ZNF835: variants seen among roughly 807,000 people sequenced by gnomAD.
ZNF835 encodes zinc finger protein 835.
For missense variants in ZNF835, 783 were observed against 758.4 expected (o/e 1.03, Z -0.38); for synonymous variants, 323 against 324.7 (o/e 0.99, Z 0.06).
chr19:56,663,827 G>A lies in ZNF835; in HGVS notation c.1372C>T (p.Arg458Cys). 2 of 1,613,842 alleles carry A rather than the reference G, an allele frequency of 1.2e-6. No individual in the cohort carries two copies. Among genetic ancestry groups the A allele is most frequent in the Non-Finnish European group, 1.7e-6 (2 of 1,179,944 alleles). ...ATGTGGTGCTGGATCAGGTAGGAGC[G>A]GTTGCTGAAGGCCTTGCCGCACTCG... Reference protein sequence around the residue: ...CPECGKAFSNRSYLIQHHIVH... With the variant: ...CPECGKAFSNCSYLIQHHIVH... The change falls in exon 2 of 2, where the codon CGC becomes TGC. Residue 458 changes from arginine to cysteine, a missense_variant. Physicochemically the swap from Arg to Cys is radical, Grantham distance 180. Coordinates refer to ENST00000537055, the MANE Select transcript of ZNF835 (RefSeq NM_001005850.3).
Position 56,665,257 on chromosome 19 carries a change from AAGAT to A in ZNF835, c.-47-16_-47-13del, listed in dbSNP as rs774253092. ...TCTTTTCTCTGGGTCTGAAAAGAAA[AAGAT>A]AGAAAAAAAAATTAAATGTTGCCAC... On this transcript the variant is annotated splice_polypyrimidine_tract_variant and intron_variant, in intron 1 of 1. Transcript: ENST00000537055. The A allele has an allele frequency of 2.5e-6, 4 of 1,598,454 alleles. No individual in the cohort carries two copies. The highest frequency in any genetic ancestry group is 3.4e-6 in the Non-Finnish European group (4 of 1,174,686).
intron 1 of ZNF835, chr19:56,665,463 A>C: frequency 1.4e-6 from 1 of 707,912 alleles, no homozygotes; most frequent in Non-Finnish European, 2.6e-6. Context: ...TGCCAGGGAC[A>C]CTACCCCTCA....
rs1397090827 is a variant in ZNF835 at position 56,662,180 on chromosome 19, G to A, written c.*1405C>T. ...ATCAGAGACTTGAAAGCATGCCTGT[G>A]TGTCCACTCCCTCTCAGACTCCTGC... On this transcript the variant is annotated 3_prime_UTR_variant, in exon 2 of 2. Coordinates refer to ENST00000537055, the MANE Select transcript of ZNF835 (RefSeq NM_001005850.3). The A allele has an allele frequency of 1.3e-5, 2 of 152,202 alleles. No individual in the cohort carries two copies. The highest frequency in any genetic ancestry group is 2.9e-5 in the Non-Finnish European group (2 of 68,062). The allele number at this position is 152,202 out of a possible 1,614,324, so 9.4% of individuals were successfully genotyped here.
chr19:56,670,123 G>C (rs1471936299), intron 1 of ZNF835, among the ~76,000 whole-genome samples: 1 of 148,554 alleles, frequency 6.7e-6, no homozygotes, highest in Non-Finnish European at 1.5e-5. Flanking sequence ...TCCTCCATTA[G>C]CATAAATGTA....
chr19:56,671,237 G>C (rs10084156), intron 1 of ZNF835, among the ~76,000 whole-genome samples: 32,345 of 150,094 alleles, frequency 0.22, 4,097 homozygotes, highest in African/African-American at 0.38. Flanking sequence ...GAGTGAGCAG[G>C]TGCAGACGCT....
chr19:56,663,820 T>C lies in ZNF835; in HGVS notation c.1379A>G (p.Tyr460Cys). The change falls in exon 2 of 2, where the codon TAC becomes TGC. Residue 460 changes from tyrosine (Y) to cysteine (C), a missense_variant. By Grantham distance (194) the Tyr-to-Cys change is radical. Transcript: ENST00000537055. ...ECGKAFSNRS[Y>C]LIQHHIVHTG... ...GTGCACGATGTGGTGCTGGATCAGG[T>C]AGGAGCGGTTGCTGAAGGCCTTGCC... 1.2e-6 allele frequency: 2 copies of C among 1,613,796 alleles called. No individual in the cohort carries two copies. Among genetic ancestry groups the C allele is most frequent in the South Asian group, 1.1e-5 (1 of 91,068 alleles).
intron 1 of ZNF835, among the ~76,000 whole-genome samples, chr19:56,671,178 C>T (rs1026631462): frequency 6.9e-6 from 1 of 144,518 alleles, no homozygotes; most frequent in Non-Finnish European, 1.5e-5. Context: ...CTGTGACACT[C>T]AGGGACGGGC....
At position 56,664,526 on chromosome 19, in the gene ZNF835, C is replaced by T. The variant is rs376744438; in HGVS notation, c.673G>A (p.Ala225Thr). The change falls in exon 2 of 2, where the codon GCC (alanine) becomes ACC (threonine). Residue 225 changes from alanine to threonine, a missense_variant. Ala to Thr is a moderately conservative substitution (Grantham distance 58). Transcript: ENST00000537055. ...VHTGERPYAC[A>T]QCAKAFRNRS... ...TTGCGGAACGCCTTGGCGCACTGGGCGCACGCGTAGGGCCGCTCGCCCGTG... is the reference window on the plus strand; with the variant it reads ...TTGCGGAACGCCTTGGCGCACTGGGTGCACGCGTAGGGCCGCTCGCCCGTG... 20 of 1,576,084 alleles carry T rather than the reference C, an allele frequency of 1.3e-5. No individual in the cohort carries two copies. In the African/African-American group the frequency reaches 2.8e-4, roughly 22 times the overall value.
At position 56,664,593 on chromosome 19, in the gene ZNF835, G is replaced by A. The variant is rs550723035; in HGVS notation, c.606C>T (p.Ala202=). The change falls in exon 2 of 2, where the codon GCC becomes GCT. Residue 202 remains alanine, a synonymous_variant. Transcript: ENST00000537055. ...GGGTCAGGTGCGTGACGCGCGTGAA[G>A]GCCTTGCCGCAGTCGGCGCAGCGGT... ...KPHRCADCGK[A]FTRVTHLTQH... The A allele has an allele frequency of 1.8e-4, 291 of 1,605,574 alleles. 4 individuals carry two copies. In the South Asian group the frequency reaches 3.0e-3, roughly 17 times the overall value.
chr19:56,666,295 G>C (rs10424830), intron 1 of ZNF835, among the ~76,000 whole-genome samples: 8,279 of 152,134 alleles, frequency 0.054, 720 homozygotes, highest in African/African-American at 0.19. Context: ...TTAGTAGAGA[G>C]GGGGTTTCAC....
At chr19:56,669,301 GC>G (rs1342374643) in intron 1 of ZNF835, among the ~76,000 whole-genome samples, 1 of 151,982 alleles carries the variant, frequency 6.6e-6, no homozygotes, top group Non-Finnish European at 1.5e-5. Context: ...GTGCTCGACA[GC>G]CCCAGAGCTC....
At position 56,664,450 on chromosome 19, in the gene ZNF835, T is replaced by C. The variant is rs765318733; in HGVS notation, c.749A>G (p.Tyr250Cys). ...GGCCTTGGCGCACGCGGAGCACTCG[T>C]AGGGCTTCTCACCGGTGTGGATGCG... is the stretch of plus-strand genomic sequence containing the variant. ...HQRIHTGEKP[Y>C]ECSACAKAFR... is the part of the protein sequence containing the mutation. Residue 250 changes from tyrosine to cysteine, a missense_variant, in exon 2 of 2, where the codon TAC becomes TGC. Tyr to Cys is a radical substitution (Grantham distance 194). Transcript: ENST00000537055. The C allele has an allele frequency of 6.2e-7, 1 of 1,612,094 alleles. No individual in the cohort carries two copies. Among genetic ancestry groups the C allele is most frequent in the Non-Finnish European group, 8.5e-7 (1 of 1,179,144 alleles).
In ZNF835 at chr19:56,664,297, G is replaced by C. The variant is rs768008644; in HGVS notation, c.902C>G (p.Thr301Arg). 4 of 1,605,298 alleles carry C rather than the reference G, an allele frequency of 2.5e-6. No individual in the cohort carries two copies. In the South Asian group the frequency reaches 4.4e-5, roughly 18 times the overall value. The change falls in exon 2 of 2, where the codon ACG becomes AGG. Residue 301 changes from threonine (T) to arginine (R), a missense_variant. Transcript: ENST00000537055. Reference protein sequence around the residue: ...AHLTQHRRVHTGEKPYTCQDC... With the variant: ...AHLTQHRRVHRGEKPYTCQDC... ...CTGGCACGTGTAGGGCTTCTCGCCC[G>C]TGTGCACGCGCCGGTGCTGGGTCAG...
At position 56,665,392 on chromosome 19, in the gene ZNF835, G is replaced by T. The variant is rs1025224571; in HGVS notation, c.-47-147C>A. ...ATTTTGGGTCCAATAATTTGGTGTG[G>T]TGGGACCCATCCTGTGTGTTGTGAG... On this transcript the variant is annotated intron_variant, in intron 1 of 1. Coordinates refer to ENST00000537055, the MANE Select transcript of ZNF835 (RefSeq NM_001005850.3). The T allele has an allele frequency of 4.0e-5, 33 of 814,976 alleles. No individual in the cohort carries two copies. The African/African-American group carries it at 4.5e-4, about 11-fold the overall frequency. 50.5% of individuals were successfully genotyped at this position (814,976 alleles called of 1,614,324 possible).
Position 56,663,764 on chromosome 19 carries a change from A to G in ZNF835, c.1435T>C (p.Cys479Arg), listed in dbSNP as rs1178821601. ...GAGGAGAAGCTGAAGGCCTTCCCGC[A>G]GCCGCTGCACTCGTAGGGCTTCTCC... Reference protein sequence around the residue: ...TGEKPYECSGCGKAFSFSSAL... With the variant: ...TGEKPYECSGRGKAFSFSSAL... Residue 479 changes from cysteine to arginine, a missense_variant, in exon 2 of 2, where the codon TGC (cysteine) becomes CGC (arginine). Transcript: ENST00000537055. The G allele has an allele frequency of 1.1e-5, 18 of 1,613,860 alleles. No homozygotes were observed. Among genetic ancestry groups the G allele is most frequent in the Non-Finnish European group, 1.4e-5 (17 of 1,179,918 alleles).
intron 1 of ZNF835, among the ~76,000 whole-genome samples, chr19:56,670,284 A>T (rs1365914050): frequency 6.6e-6 from 1 of 152,110 alleles, no homozygotes; most frequent in Non-Finnish European, 1.5e-5. Flanking sequence ...CTGGGGATAA[A>T]GATTAAACAT....
chr19:56,664,009 G>A lies in ZNF835; in HGVS notation c.1190C>T (p.Ala397Val), dbSNP rs757263771. Residue 397 changes from alanine to valine, a missense_variant, in exon 2 of 2, where the codon GCC (alanine) becomes GTC (valine). Coordinates refer to ENST00000537055, the MANE Select transcript of ZNF835 (RefSeq NM_001005850.3). The part of the protein sequence containing the change: ...ERPYRCLQCG[A>V]AFSHVSSLIE... Reference sequence around the variant, plus strand: ...AAGCGAGGACACGTGGCTGAAGGCGGCCCCGCATTGCAGGCACCTGTAGGG... The same window carrying A: ...AAGCGAGGACACGTGGCTGAAGGCGACCCCGCATTGCAGGCACCTGTAGGG... The A allele has an allele frequency of 3.1e-6, 5 of 1,609,950 alleles. No homozygotes were observed. The African/African-American group carries it at 5.4e-5, about 17-fold the overall frequency.
chr19:56,664,973 C>G lies in ZNF835; in HGVS notation c.226G>C (p.Asp76His). The change falls in exon 2 of 2, where the codon GAC becomes CAC. Residue 76 changes from aspartate (D) to histidine (H), a missense_variant. Transcript: ENST00000537055. ...CTGCACCTCCGGGAACTGCTGTCGTCGGGGACACTGGCTTGGGTAGCAGCA... is the reference window on the plus strand; with the variant it reads ...CTGCACCTCCGGGAACTGCTGTCGTGGGGGACACTGGCTTGGGTAGCAGCA... ...SPAATQASVP[D>H]DSSSRRCSAP... 1 of 1,614,014 alleles carries G rather than the reference C, an allele frequency of 6.2e-7. No individual in the cohort carries two copies. The highest frequency in any genetic ancestry group is 8.5e-7 in the Non-Finnish European group (1 of 1,179,890).
chr19:56,663,240 A>C lies in ZNF835; in HGVS notation c.*345T>G. 1 of 296,518 alleles carries C rather than the reference A, an allele frequency of 3.4e-6. No individual in the cohort carries two copies. The highest frequency in any genetic ancestry group is 6.3e-6 in the Non-Finnish European group (1 of 158,534). The allele number at this position is 296,518 out of a possible 1,614,324, so 18.4% of individuals were successfully genotyped here. The stretch of plus-strand genomic sequence containing the variant: ...AGGTTGAGGCAGGAGAATCACTTGT[A>C]CCCGGGAGGCAGAAGTTTCAGTGAG... On this transcript the variant is annotated 3_prime_UTR_variant, in exon 2 of 2. Coordinates refer to ENST00000537055, the MANE Select transcript of ZNF835 (RefSeq NM_001005850.3).
Sources: gnomAD v4.1 joint callset for allele counts (sites outside exome capture counted in the v4.1 genomes callset) on GRCh38, gnomAD v4.1.1 for gene constraint, MANE v1.5 for transcripts, NCBI Gene and HGNC (gene_info 2026-07-23, HGNC 2026-07-21) for gene names.